The following EFTUD2 variants were observed in gnomAD, a reference collection of about 807,000 sequenced individuals.
EFTUD2 encodes the protein 116 kDa U5 small nuclear ribonucleoprotein component.
A neutral mutation model predicts 114.3 loss-of-function variants in EFTUD2; 9 were observed. The ratio of observed to expected loss-of-function variants is 0.08; its 90% CI spans 0.05 to 0.14. EFTUD2 has a LOEUF of 0.14. EFTUD2 is among the 10% of genes least tolerant of loss of function. The pLI, the probability that EFTUD2 is intolerant of heterozygous loss-of-function variation, is 1.00. For synonymous variants in EFTUD2, 449 were observed against 462.3 expected (o/e 0.97, Z 0.37); for missense variants, 765 against 1,241.2 (o/e 0.62, Z 5.76).
intron 1 of EFTUD2, chr17:44,895,744 A>C (rs1194580832): frequency 6.6e-6 from 1 of 152,212 alleles, no homozygotes; most frequent in Non-Finnish European, 1.5e-5. Context: ...AAAATCAGAA[A>C]ATTGATATTC....
chr17:44,893,780 G>T (rs1459395198), intron 2 of EFTUD2, among the ~76,000 whole-genome samples: 1 of 64,542 alleles, frequency 1.5e-5, no homozygotes, highest in East Asian at 5.9e-4. Flanking sequence ...GGGGGGGGGT[G>T]GGGGGGCAGG....
chr17:44,886,372 T>A (rs2051173575), intron 3 of EFTUD2, among the ~76,000 whole-genome samples: 1 of 152,206 alleles, frequency 6.6e-6, no homozygotes, highest in Non-Finnish European at 1.5e-5. Context: ...TGATAGCAGA[T>A]AAATAAGAAA....
At chr17:44,851,429 C>CT in intron 27 of EFTUD2, 60 bp from the exon 28 acceptor site, 1 of 1,384,802 alleles carries the variant, frequency 7.2e-7, no homozygotes, top group Non-Finnish European at 1.0e-6. Flanking sequence ...AGCAAGGAGA[C>CT]TATCCAAGAC....
At position 44,853,283 on chromosome 17, in the gene EFTUD2, T is replaced by A. The variant is rs779296093; in HGVS notation, c.2561+13A>T. 1.2e-6 allele frequency: 2 copies of A among 1,613,414 alleles called. No homozygotes were observed. Among genetic ancestry groups the A allele is most frequent in the Non-Finnish European group, 1.7e-6 (2 of 1,179,610 alleles). ...CTCTCAGCACTCTCCCTAATACGCC[T>A]GGGGCCGCTCACCTGCGCCTGGCCA... On this transcript the variant is annotated intron_variant, in intron 25 of 27. Transcript: ENST00000426333.
At chr17:44,861,879 C>A (rs934489605) in intron 16 of EFTUD2, among the ~76,000 whole-genome samples, 4 of 152,172 alleles carry the variant, frequency 2.6e-5, no homozygotes, top group African/African-American at 4.8e-5. Context: ...TTTAACTTGT[C>A]AACTGGGAAA....
chr17:44,896,897 T>G (rs2145588564), intron 1 of EFTUD2, among the ~76,000 whole-genome samples: 1 of 152,248 alleles, frequency 6.6e-6, no homozygotes, highest in Non-Finnish European at 1.5e-5. Context: ...TTATGAGGAT[T>G]AAATAAAACA....
rs965545973 is a variant in EFTUD2, at chr17:44,850,974, T to G, written c.*300A>C. On this transcript the variant is annotated 3_prime_UTR_variant, in exon 28 of 28. Transcript: ENST00000426333. ...AGGTCAAACTTGTAGAAAATAAAAT[T>G]CCATGTAAATCCCAAAGATAGGGCC... 1 of 385,530 alleles carries G rather than the reference T, an allele frequency of 2.6e-6. No individual in the cohort carries two copies. 23.9% of individuals were successfully genotyped at this position (385,530 alleles called of 1,614,324 possible). A position where few individuals can be genotyped will look rare whatever the true frequency, so the allele number is the denominator to read the frequency against.
intron 23 of EFTUD2, chr17:44,853,850 A>G: frequency 2.8e-6 from 4 of 1,411,746 alleles, no homozygotes; most frequent in Non-Finnish European, 3.7e-6. Context: ...GCTTCAGGCC[A>G]TGCTCAGACT....
intron 3 of EFTUD2, among the ~76,000 whole-genome samples, chr17:44,886,023 G>A (rs1419166849): frequency 6.6e-6 from 1 of 152,132 alleles, no homozygotes; most frequent in Non-Finnish European, 1.5e-5. Context: ...GATCACTTGA[G>A]GTCAGGAGTT....
At chr17:44,895,221 C>T (rs572035695) in intron 1 of EFTUD2, among the ~76,000 whole-genome samples, 34 of 152,224 alleles carry the variant, frequency 2.2e-4, no homozygotes, top group Non-Finnish European at 4.0e-4. Context: ...GGAGGCCGGG[C>T]GCGGTGGCGC....
rs780432390 is a variant in EFTUD2 at position 44,864,944 on chromosome 17, A to G, written c.1271T>C (p.Phe424Ser). Residue 424 changes from phenylalanine to serine, a missense_variant, in exon 14 of 28, where the codon TTT becomes TCT. Phe to Ser is a radical substitution (Grantham distance 155, BLOSUM62 -2). Coordinates refer to ENST00000426333, the MANE Select transcript of EFTUD2 (RefSeq NM_004247.4). ...CACATTATTACCTGTGAACTCGCCA[A>G]AGAACTTTTTGCAGACCAGCCTGAG... ...PLLRLVCKKF[F>S]GEFTGFVDMC... The G allele has an allele frequency of 6.2e-7, 1 of 1,614,176 alleles. No individual in the cohort carries two copies. Among genetic ancestry groups the G allele is most frequent in the Non-Finnish European group, 8.5e-7 (1 of 1,180,034 alleles).
chr17:44,880,253 C>T (rs1400156100), intron 8 of EFTUD2, among the ~76,000 whole-genome samples: 2 of 152,184 alleles, frequency 1.3e-5, no homozygotes, highest in African/African-American at 4.8e-5. Context: ...GGCTCTGACT[C>T]ACCTTTAGCT....
At chr17:44,859,483 T>G in intron 18 of EFTUD2, 2 of 513,900 alleles carry the variant, frequency 3.9e-6, no homozygotes, top group Non-Finnish European at 3.5e-6. Flanking sequence ...TTAGCCCTCC[T>G]GGCCTGCTAC....
Position 44,859,135 on chromosome 17 carries a change from T to G in EFTUD2, c.1907A>C (p.Tyr636Ser), listed in dbSNP as rs945261338. The change falls in exon 19 of 28, where the codon TAC becomes TCC. Residue 636 changes from tyrosine to serine, a missense_variant. By Grantham distance (144) the Tyr-to-Ser change is moderately radical (BLOSUM62 -2). Transcript: ENST00000426333. ...EHVILGTGEL[Y>S]LDCVMHDLRK... ...CAAATCATGCATCACACAGTCCAGG[T>G]AGAGCTCCCCAGTGCCCAGGATCAC... 12 of 1,613,998 alleles carry G rather than the reference T, an allele frequency of 7.4e-6. No homozygotes were observed. In the African/African-American group the frequency reaches 1.6e-4, roughly 22 times the overall value.
chr17:44,855,358 C>G (rs536221292), intron 20 of EFTUD2, among the ~76,000 whole-genome samples: 32 of 152,254 alleles, frequency 2.1e-4, no homozygotes, highest in Non-Finnish European at 4.1e-4. Context: ...GTCAGAAGAT[C>G]GAGCCTACCC....
At chr17:44,855,654 T>G (rs2050537024) in intron 20 of EFTUD2, among the ~76,000 whole-genome samples, 1 of 151,568 alleles carries the variant, frequency 6.6e-6, no homozygotes, top group South Asian at 2.1e-4. Context: ...ACCCCATCTC[T>G]ATAAAAAATT....
At chr17:44,879,709 G>T in intron 8 of EFTUD2, 71 bp from the exon 9 acceptor site, 1 of 1,486,838 alleles carries the variant, frequency 6.7e-7, no homozygotes, top group East Asian at 2.3e-5. Context: ...AGGGTGAACT[G>T]AGGGGGCACT....
rs1427304366 is a variant in EFTUD2, at chr17:44,850,237, G to A, written c.*1037C>T. Reference sequence around the variant, plus strand: ...ATGAGCGGGAAGCTGGACTCTCAAGGGAGCAGCTAGAGGTGAACCCCTAGG... The same window carrying A: ...ATGAGCGGGAAGCTGGACTCTCAAGAGAGCAGCTAGAGGTGAACCCCTAGG... On this transcript the variant is annotated 3_prime_UTR_variant, in exon 28 of 28. Coordinates refer to ENST00000426333, the MANE Select transcript of EFTUD2 (RefSeq NM_004247.4). The A allele has an allele frequency of 2.2e-6, 2 of 896,574 alleles. No homozygotes were observed. The highest frequency in any genetic ancestry group is 3.5e-6 in the Non-Finnish European group (2 of 572,580). 55.5% of individuals were successfully genotyped at this position (896,574 alleles called of 1,614,324 possible).
rs779023254 is a variant in EFTUD2, at chr17:44,859,230, G to A, written c.1861-49C>T. The A allele has an allele frequency of 2.2e-6, 3 of 1,356,504 alleles. No homozygotes were observed. In the South Asian group the frequency reaches 3.5e-5, roughly 16 times the overall value. The allele number at this position is 1,356,504 out of a possible 1,614,324, so 84.0% of individuals were successfully genotyped here. ...GCCTGGATTCTCTTATGCCAGCAAAGGCACACACAAACAAAATCAAGGCCA... is the reference window on the plus strand; with the variant it reads ...GCCTGGATTCTCTTATGCCAGCAAAAGCACACACAAACAAAATCAAGGCCA... On this transcript the variant is annotated intron_variant, in intron 18 of 27. Transcript: ENST00000426333.
Sources: allele counts gnomAD v4.1 joint callset (sites outside exome capture counted in the v4.1 genomes callset), GRCh38; gene constraint gnomAD v4.1.1; transcripts MANE v1.5; gene names NCBI Gene and HGNC (gene_info 2026-07-23, HGNC 2026-07-21).